PDSS2: variants seen among roughly 807,000 people sequenced by gnomAD.
PDSS2 encodes decaprenyl diphosphate synthase subunit 2, also known as all trans-polyprenyl-diphosphate synthase PDSS2.
PDSS2 carries 31 observed loss-of-function variants against 44.5 expected under a neutral mutation model. The ratio of observed to expected loss-of-function variants is 0.70; its 90% CI spans 0.52 to 0.94. The LOEUF (loss-of-function observed/expected upper bound fraction) is 0.94, where lower values mean the gene tolerates loss of function less well. Among genes scored for constraint, PDSS2 ranks in the 40% least tolerant of loss-of-function variants. The pLI is 0.00. For missense variants in PDSS2, 452 were observed against 482.2 expected, an observed-to-expected ratio of 0.94 and a Z score of 0.59; for synonymous variants, 157 against 180.3, an observed-to-expected ratio of 0.87 and a Z score of 1.03.
intron 1 of PDSS2, among the ~76,000 whole-genome samples, chr6:107,449,785 G>T (rs977857457): frequency 2.0e-5 from 3 of 152,090 alleles, no homozygotes; most frequent in Non-Finnish European, 2.9e-5. Context: ...TGCCCAAGCT[G>T]GTCTCAAACT....
chr6:107,299,235 C>T (rs913482702), intron 2 of PDSS2, among the ~76,000 whole-genome samples: 14 of 150,650 alleles, frequency 9.3e-5, no homozygotes, highest in Non-Finnish European at 7.4e-5. Context: ...TTTTTGAGAT[C>T]CCAAATTCAA....
At chr6:107,252,666 C>T (rs899636982) in intron 3 of PDSS2, among the ~76,000 whole-genome samples, 11 of 152,190 alleles carry the variant, frequency 7.2e-5, no homozygotes, top group East Asian at 1.9e-4. Context: ...CAGTGGCTTA[C>T]GCCTGTAATC....
intron 1 of PDSS2, among the ~76,000 whole-genome samples, chr6:107,429,741 G>A (rs1191767547): frequency 1.3e-5 from 2 of 151,068 alleles, no homozygotes; most frequent in African/African-American, 4.9e-5. Context: ...AAAATTAGCT[G>A]GGCGTGGTGG....
At chr6:107,232,644 C>A (rs898984368) in intron 4 of PDSS2, among the ~76,000 whole-genome samples, 1 of 152,132 alleles carries the variant, frequency 6.6e-6, no homozygotes, top group East Asian at 1.9e-4. Context: ...CATGTGATTT[C>A]TTGTTTATAG....
chr6:107,452,465 C>T (rs1781901345), intron 1 of PDSS2, among the ~76,000 whole-genome samples: 1 of 152,082 alleles, frequency 6.6e-6, no homozygotes, highest in South Asian at 2.1e-4. Context: ...CTCCTAGCCT[C>T]AAGTGATCCA....
intron 1 of PDSS2, among the ~76,000 whole-genome samples, chr6:107,374,394 T>C (rs1373880755): frequency 1.3e-5 from 2 of 152,196 alleles, no homozygotes; most frequent in Non-Finnish European, 2.9e-5. Context: ...ACTGATATAA[T>C]TTTTGCTTTT....
At chr6:107,291,726 G>A (rs1272445944) in intron 2 of PDSS2, among the ~76,000 whole-genome samples, 4 of 151,846 alleles carry the variant, frequency 2.6e-5, no homozygotes, top group Non-Finnish European at 5.9e-5. Flanking sequence ...GAGAGGCCAA[G>A]TGCCAGCTGG....
chr6:107,244,319 A>G (rs1774537403), intron 4 of PDSS2, among the ~76,000 whole-genome samples: 2 of 152,232 alleles, frequency 1.3e-5, no homozygotes, highest in South Asian at 4.1e-4. Flanking sequence ...GAAGAAACAC[A>G]GGCAAATCAC....
intron 3 of PDSS2, among the ~76,000 whole-genome samples, chr6:107,273,423 G>C (rs912304748): frequency 6.6e-6 from 1 of 152,046 alleles, no homozygotes; most frequent in African/African-American, 2.4e-5. Flanking sequence ...GATATGCAAA[G>C]ATCTTTACTG....
chr6:107,214,064 T>C (rs570951275), intron 4 of PDSS2, among the ~76,000 whole-genome samples: 1 of 152,056 alleles, frequency 6.6e-6, no homozygotes, highest in South Asian at 2.1e-4. Context: ...AATATCATTT[T>C]AAACATATAT....
intron 1 of PDSS2, among the ~76,000 whole-genome samples, chr6:107,409,496 A>C (rs1266401589): frequency 6.6e-6 from 1 of 152,258 alleles, no homozygotes; most frequent in Non-Finnish European, 1.5e-5. Context: ...ATAGTACAGG[A>C]GTGAAGCTAT....
chr6:107,426,812 C>T (rs1057081777), intron 1 of PDSS2, among the ~76,000 whole-genome samples: 2 of 152,082 alleles, frequency 1.3e-5, no homozygotes, highest in Admixed American at 6.5e-5. Flanking sequence ...TTTGTTTTGG[C>T]CAATTTCTCC....
intron 1 of PDSS2, among the ~76,000 whole-genome samples, chr6:107,369,209 G>C (rs1006791407): frequency 6.6e-6 from 1 of 152,170 alleles, no homozygotes; most frequent in Non-Finnish European, 1.5e-5. Context: ...CACGAGGTCA[G>C]GAGTTCGAGA....
chr6:107,239,554 A>C (rs543766241), intron 4 of PDSS2, among the ~76,000 whole-genome samples: 1 of 151,760 alleles, frequency 6.6e-6, no homozygotes, highest in Non-Finnish European at 1.5e-5. Flanking sequence ...ATTTCTGGGG[A>C]ATGGTTTTAT....
intron 2 of PDSS2, among the ~76,000 whole-genome samples, chr6:107,333,481 G>C (rs1165726945): frequency 6.6e-6 from 1 of 152,068 alleles, no homozygotes; most frequent in Non-Finnish European, 1.5e-5. Flanking sequence ...TAAAAAAGTA[G>C]ACTACAGCTC....
intron 2 of PDSS2, among the ~76,000 whole-genome samples, chr6:107,311,947 A>T (rs1777058872): frequency 6.6e-6 from 1 of 152,240 alleles, no homozygotes; most frequent in Non-Finnish European, 1.5e-5. Flanking sequence ...GTACACACTT[A>T]TGCAGAGTGT....
At chr6:107,432,711 T>C (rs1031619565) in intron 1 of PDSS2, among the ~76,000 whole-genome samples, 3 of 152,160 alleles carry the variant, frequency 2.0e-5, no homozygotes, top group Non-Finnish European at 4.4e-5. Flanking sequence ...TGAGCCAAGA[T>C]TGTGTCATTG....
chr6:107,208,285 C>CTT (rs1164014672), intron 6 of PDSS2, among the ~76,000 whole-genome samples: 2,314 of 53,288 alleles, frequency 0.043, 286 homozygotes, highest in Middle Eastern at 0.059. Context: ...CATGCCTGGC[C>CTT]TTTTTTTTTT....
At chr6:107,295,385 T>C (rs1478492921) in intron 2 of PDSS2, among the ~76,000 whole-genome samples, 5 of 152,210 alleles carry the variant, frequency 3.3e-5, no homozygotes, top group Admixed American at 3.3e-4. Flanking sequence ...TAATCATTTT[T>C]CCATCCAAGT....
Sources: gnomAD v4.1 joint callset for allele counts (sites outside exome capture counted in the v4.1 genomes callset) on GRCh38, gnomAD v4.1.1 for gene constraint, MANE v1.5 for transcripts, NCBI Gene and HGNC (gene_info 2026-07-23, HGNC 2026-07-21) for gene names.